Variants in RNF19A observed in about 807,000 individuals in gnomAD.
RNF19A encodes the protein E3 ubiquitin-protein ligase RNF19A.
Under a neutral mutation model 75.7 loss-of-function variants are expected in RNF19A, and 32 were observed. That is an observed-to-expected ratio of 0.42 (90% CI 0.32 to 0.57). The LOEUF is 0.57. RNF19A is among the 20% of genes least tolerant of loss of function. RNF19A has a pLI of 0.10. For synonymous variants in RNF19A, 335 were observed against 345.2 expected (o/e 0.97, Z 0.33); for missense variants, 782 against 1,036.3 (o/e 0.75, Z 3.37).
At chr8:100,282,187 AT>A (rs1820809850) in intron 2 of RNF19A, among the ~76,000 whole-genome samples, 1 of 152,318 alleles carries the variant, frequency 6.6e-6, no homozygotes, top group Middle Eastern at 3.4e-3. Flanking sequence ...TGTGTCATAC[AT>A]TAACATGGTT....
chr8:100,282,524 T>C (rs375383834), intron 2 of RNF19A, among the ~76,000 whole-genome samples: 1 of 152,230 alleles, frequency 6.6e-6, no homozygotes, highest in South Asian at 2.1e-4. Context: ...AATATGTTTA[T>C]GTATGTGTGT....
intron 1 of RNF19A, among the ~76,000 whole-genome samples, chr8:100,291,650 T>C (rs769043506): frequency 7.2e-5 from 11 of 152,222 alleles, no homozygotes; most frequent in East Asian, 1.9e-4. Flanking sequence ...GGCAAAAAGT[T>C]TGCATACACA....
chr8:100,268,642 G>A, intron 5 of RNF19A, 143 bp downstream of exon 5: 3 of 419,180 alleles, frequency 7.2e-6, no homozygotes, highest in Non-Finnish European at 1.2e-5. Flanking sequence ...TGAAAAAAGA[G>A]TAACTGTTTT....
At chr8:100,319,060 C>T (rs1822426416) in intron 1 of RNF19A, among the ~76,000 whole-genome samples, 1 of 152,152 alleles carries the variant, frequency 6.6e-6, no homozygotes, top group Non-Finnish European at 1.5e-5. Context: ...TAAAGAAATT[C>T]ACCGTAATCA....
rs893881906 is a variant in RNF19A at position 100,329,683 on chromosome 8, G to T, written c.-243+6425C>A. Among the ~76,000 whole-genome samples, 1 of 152,208 alleles carries T rather than the reference G, an allele frequency of 6.6e-6. No individual in the cohort carries two copies. The highest frequency in any genetic ancestry group is 2.1e-4 in the South Asian group (1 of 4,830). On this transcript the variant is annotated intron_variant, in intron 1 of 3. Coordinates refer to the RNF19A transcript ENST00000519527. This position sits in a 1 kb window ranked among gnomAD's most constrained non-coding sequence, Gnocchi z 4.3. The stretch of plus-strand genomic sequence containing the variant: ...CATGTCACCTGATATGTGGTCAAAA[G>T]AACTGGTTGTACTTGGCTAAGAGAG...
intron 1 of RNF19A, chr8:100,300,732 G>A (rs1032057724): frequency 1.3e-5 from 2 of 152,152 alleles, no homozygotes; most frequent in Non-Finnish European, 2.9e-5. Context: ...TTCTAAAACA[G>A]ACTATTAAAT....
chr8:100,266,415 C>G (rs180975243), intron 5 of RNF19A, among the ~76,000 whole-genome samples: 155 of 152,308 alleles, frequency 1.0e-3, no homozygotes, highest in African/African-American at 3.5e-3. Context: ...CTCTCTTTCC[C>G]TTCTAAGTAT....
At position 100,268,774 on chromosome 8, in the gene RNF19A, A is replaced by T; in HGVS notation, c.1191+11T>A. On this transcript the variant is annotated intron_variant, in intron 5 of 9. Transcript: ENST00000341084. ...ATAAGATAATGGACTAACAAGAAGT[A>T]TGCATTTTACCTTGCGGCCCACATA... 1 of 1,529,718 alleles carries T rather than the reference A, an allele frequency of 6.5e-7. No individual in the cohort carries two copies. The highest frequency in any genetic ancestry group is 8.9e-7 in the Non-Finnish European group (1 of 1,129,658). The allele number at this position is 1,529,718 out of a possible 1,614,324, so 94.8% of individuals were successfully genotyped here.
At chr8:100,285,173 G>T (rs973568832) in intron 2 of RNF19A, among the ~76,000 whole-genome samples, 1 of 152,136 alleles carries the variant, frequency 6.6e-6, no homozygotes, top group African/African-American at 2.4e-5. Context: ...GAAATTCTCA[G>T]TTGTAGAATA....
At chr8:100,310,163 G>A, upstream of RNF19A, 1 of 982,958 alleles carries the variant, frequency 1.0e-6, no homozygotes. Context: ...TCCCGCCCCC[G>A]GCCGCCCCGC....
At position 100,260,749 on chromosome 8, in the gene RNF19A, CA is replaced by C. The variant is rs1819672781; in HGVS notation, c.1683-753del. On this transcript the variant is annotated intron_variant, in intron 8 of 9. Transcript: ENST00000341084. The surrounding 1 kb of genome is among the most constrained non-coding windows in gnomAD (Gnocchi z 4.1). ...TGAAAAATAGTGAATTAAAGAGAAA[CA>C]GGGGAAGATAATTTTTCCTACTTAT... Among the ~76,000 whole-genome samples, 1 of 151,992 alleles carries C rather than the reference CA, an allele frequency of 6.6e-6. No individual in the cohort carries two copies. Among genetic ancestry groups the C allele is most frequent in the Non-Finnish European group, 1.5e-5 (1 of 67,974 alleles).
At chr8:100,310,329 C>T (rs953044349), upstream of RNF19A, 3 of 810,090 alleles carry the variant, frequency 3.7e-6, no homozygotes, top group Non-Finnish European at 4.5e-6. Context: ...GCGGCCCCCA[C>T]GCCTGTCCCT....
chr8:100,295,462 A>G (rs1821511402), intron 1 of RNF19A, among the ~76,000 whole-genome samples: 1 of 152,186 alleles, frequency 6.6e-6, no homozygotes, highest in Non-Finnish European at 1.5e-5. Flanking sequence ...GCATAACTTT[A>G]GGAACCAATA....
intron 1 of RNF19A, among the ~76,000 whole-genome samples, chr8:100,327,083 A>G (rs1822543384): frequency 6.7e-6 from 1 of 150,336 alleles, no homozygotes; most frequent in Admixed American, 6.6e-5. Context: ...TTATTTTGCT[A>G]TGAAAAAAGT....
chr8:100,318,933 C>T (rs1474232559), intron 1 of RNF19A, among the ~76,000 whole-genome samples: 1 of 152,210 alleles, frequency 6.6e-6, no homozygotes, highest in Non-Finnish European at 1.5e-5. Context: ...GAATTATGGC[C>T]AGAAGCACAT....
At chr8:100,304,204 T>A (rs1269807772) in intron 1 of RNF19A, among the ~76,000 whole-genome samples, 1 of 152,088 alleles carries the variant, frequency 6.6e-6, no homozygotes, top group Non-Finnish European at 1.5e-5. Flanking sequence ...TCAGGTGATT[T>A]GCCCACCTTG....
chr8:100,297,688 G>T (rs1821633256), intron 1 of RNF19A, among the ~76,000 whole-genome samples: 1 of 152,186 alleles, frequency 6.6e-6, no homozygotes. Context: ...AAAGAATCTG[G>T]ATACCTGAGT....
chr8:100,309,600 T>A lies in RNF19A; in HGVS notation c.-94+267A>T, dbSNP rs1341816977. ...CTTGGGGCGGATCCCACGCTCCACC[T>A]CGGCCCCCGCGGCCCGGGAGACGCC... On this transcript the variant is annotated intron_variant, in intron 1 of 9. Transcript: ENST00000341084. 3 of 960,438 alleles carry A rather than the reference T, an allele frequency of 3.1e-6. No individual in the cohort carries two copies. In the African/African-American group the frequency reaches 5.3e-5, roughly 17 times the overall value. 59.5% of individuals were successfully genotyped at this position (960,438 alleles called of 1,614,324 possible).
chr8:100,280,854 TG>T (rs1391171649), intron 2 of RNF19A, among the ~76,000 whole-genome samples: 1 of 152,222 alleles, frequency 6.6e-6, no homozygotes, highest in African/African-American at 2.4e-5. Flanking sequence ...TTGTGGGAGC[TG>T]TATTTACTTG....
Sources: gnomAD v4.1 joint callset for allele counts (sites outside exome capture counted in the v4.1 genomes callset) on GRCh38, gnomAD v4.1.1 for gene constraint, Gnocchi (gnomAD v3.1) non-coding constraint, MANE v1.5 for transcripts, NCBI Gene and HGNC (gene_info 2026-07-23, HGNC 2026-07-21) for gene names.